Variants in AFF3 observed in about 807,000 individuals in gnomAD.
The protein encoded by AFF3 is AF4/FMR2 family member 3.
Under a neutral mutation model 129.7 loss-of-function variants are expected in AFF3, and 32 were observed. The ratio of observed to expected loss-of-function variants is 0.25; its 90% CI spans 0.19 to 0.33. The LOEUF (loss-of-function observed/expected upper bound fraction) is 0.33, where lower values mean the gene tolerates loss of function less well. AFF3 is among the 10% of genes least tolerant of loss of function. The pLI, the probability that AFF3 is intolerant of heterozygous loss-of-function variation, is 1.00. For missense variants in AFF3, 1,373 were observed against 1,592.0 expected, an observed-to-expected ratio of 0.86 and a Z score of 2.34; for synonymous variants, 644 against 635.4, an observed-to-expected ratio of 1.01 and a Z score of -0.20.
intron 13 of AFF3, among the ~76,000 whole-genome samples, chr2:99,633,244 G>A (rs1575558395): frequency 6.6e-6 from 1 of 152,124 alleles, no homozygotes; most frequent in Non-Finnish European, 1.5e-5. Flanking sequence ...TACACGTGCC[G>A]AGATTTGACA....
chr2:99,574,438 GC>G (rs1170873615), intron 18 of AFF3, among the ~76,000 whole-genome samples: 1 of 152,164 alleles, frequency 6.6e-6, no homozygotes, highest in African/African-American at 2.4e-5. Context: ...ACAGGCACAT[GC>G]TAACACGCCC....
chr2:100,050,714 T>C (rs1686248932), intron 4 of AFF3, among the ~76,000 whole-genome samples: 1 of 152,048 alleles, frequency 6.6e-6, no homozygotes. Flanking sequence ...CCGAGAGAAA[T>C]CCCCAAGCAC....
At chr2:100,108,525 C>T (rs1405949451) in intron 2 of AFF3, among the ~76,000 whole-genome samples, 1 of 152,118 alleles carries the variant, frequency 6.6e-6, no homozygotes, top group Non-Finnish European at 1.5e-5. Flanking sequence ...GTGCCCCTCC[C>T]CCCAGCCTGT....
intron 8 of AFF3, among the ~76,000 whole-genome samples, chr2:99,835,751 G>T (rs1164330213): frequency 6.6e-6 from 1 of 152,112 alleles, no homozygotes; most frequent in Non-Finnish European, 1.5e-5. Context: ...CACCTCCACT[G>T]CCCTCTCGCA....
At chr2:99,582,286 C>T (rs1677643935) in intron 17 of AFF3, among the ~76,000 whole-genome samples, 1 of 152,152 alleles carries the variant, frequency 6.6e-6, no homozygotes, top group African/African-American at 2.4e-5. Flanking sequence ...AGATTGTGAA[C>T]CCAAGTCCCC....
chr2:99,964,353 G>C (rs1677521447), intron 7 of AFF3, among the ~76,000 whole-genome samples: 1 of 152,118 alleles, frequency 6.6e-6, no homozygotes, highest in Admixed American at 6.5e-5. Context: ...AGCATATTCT[G>C]TGCTACAGAA....
At chr2:99,615,261 G>C (rs181096078) in intron 13 of AFF3, among the ~76,000 whole-genome samples, 5 of 152,194 alleles carry the variant, frequency 3.3e-5, no homozygotes, top group African/African-American at 4.8e-5. Context: ...AGGCTTGTCC[G>C]CTGTAAAAGG....
chr2:99,839,243 G>A (rs1249778546), intron 7 of AFF3, among the ~76,000 whole-genome samples: 1 of 151,990 alleles, frequency 6.6e-6, no homozygotes, highest in Non-Finnish European at 1.5e-5. Context: ...TCGAGTAGCT[G>A]GGATTACAGG....
chr2:99,981,249 C>T (rs1304233635), intron 7 of AFF3, among the ~76,000 whole-genome samples: 2 of 152,050 alleles, frequency 1.3e-5, no homozygotes, highest in Non-Finnish European at 2.9e-5. Flanking sequence ...AACTCCCAAC[C>T]TCAGGTGATC....
At chr2:99,660,870 AT>A (rs1686172192) in intron 12 of AFF3, among the ~76,000 whole-genome samples, 1 of 152,228 alleles carries the variant, frequency 6.6e-6, no homozygotes. Flanking sequence ...GGGACCTTGA[AT>A]GATCACACAT....
At chr2:99,702,892 G>T (rs1677005620) in intron 11 of AFF3, among the ~76,000 whole-genome samples, 2 of 152,190 alleles carry the variant, frequency 1.3e-5, no homozygotes, top group African/African-American at 4.8e-5. Flanking sequence ...GTCTTTCACA[G>T]AGCAAAAGGT....
intron 13 of AFF3, among the ~76,000 whole-genome samples, chr2:99,648,299 G>GTTTTGTAAACTTCGAGGGT (rs57838800): frequency 6.6e-6 from 1 of 152,050 alleles, no homozygotes; most frequent in Non-Finnish European, 1.5e-5. Flanking sequence ...CAATGACCAA[G>GTTTTGTAAACTTCGAGGGT]TTTCCCTTGC....
chr2:100,106,547 G>A, intron 2 of AFF3: 9 of 995,952 alleles, frequency 9.0e-6, no homozygotes, highest in Non-Finnish European at 1.1e-5. Flanking sequence ...GCATTCCCAG[G>A]AACAAAGGCT....
intron 8 of AFF3, among the ~76,000 whole-genome samples, chr2:99,777,248 C>G (rs905235491): frequency 4.6e-5 from 7 of 152,124 alleles, no homozygotes; most frequent in African/African-American, 1.7e-4. Flanking sequence ...TGATTCCTTC[C>G]CAGGAGCATC....
At chr2:99,669,533 A>G (rs1015422332) in intron 12 of AFF3, among the ~76,000 whole-genome samples, 11 of 152,234 alleles carry the variant, frequency 7.2e-5, no homozygotes, top group Non-Finnish European at 1.5e-4. Flanking sequence ...TGGTGTTAGA[A>G]AACAGGAAAG....
chr2:99,791,453 T>C (rs1685180974), intron 8 of AFF3, among the ~76,000 whole-genome samples: 1 of 152,194 alleles, frequency 6.6e-6, no homozygotes, highest in Non-Finnish European at 1.5e-5. Context: ...AGAAAGATAG[T>C]CTGTGCCTGT....
At chr2:99,904,007 CTTT>C (rs549093722) in intron 7 of AFF3, among the ~76,000 whole-genome samples, 60 of 152,220 alleles carry the variant, frequency 3.9e-4, no homozygotes, top group Non-Finnish European at 6.3e-4. Context: ...TATATATCTT[CTTT>C]ATTAATTTTA....
chr2:99,742,171 C>T (rs1480524498), intron 10 of AFF3, among the ~76,000 whole-genome samples: 1 of 152,068 alleles, frequency 6.6e-6, no homozygotes, highest in African/African-American at 2.4e-5. Flanking sequence ...GCCTGTGCAA[C>T]ATAGTGAAAT....
At chr2:99,839,330 A>C (rs1160617033) in intron 7 of AFF3, among the ~76,000 whole-genome samples, 5 of 151,796 alleles carry the variant, frequency 3.3e-5, no homozygotes, top group Non-Finnish European at 7.4e-5. Context: ...GGCTGGTCTC[A>C]AACTCCTGAC....
Sources: gnomAD v4.1 joint callset for allele counts (sites outside exome capture counted in the v4.1 genomes callset) on GRCh38, gnomAD v4.1.1 for gene constraint, MANE v1.5 for transcripts, NCBI Gene and HGNC (gene_info 2026-07-23, HGNC 2026-07-21) for gene names.